The following AP1M2 variants were observed in gnomAD, a reference collection of about 807,000 sequenced individuals.
AP1M2 encodes adaptor related protein complex 1 subunit mu 2, also known as AP-1 complex subunit mu-2.
In AP1M2, 41 loss-of-function variants were observed where a neutral mutation model predicts 54.6. That is an observed-to-expected ratio of 0.75 (90% CI 0.59 to 0.97). The LOEUF (loss-of-function observed/expected upper bound fraction) is 0.97. Among genes scored for constraint, AP1M2 ranks in the 50% least tolerant of loss-of-function variants. The pLI is 0.00. For missense variants in AP1M2, 507 were observed against 561.2 expected (o/e 0.90, Z 0.98); for synonymous variants, 219 against 215.9 (o/e 1.01, Z -0.13).
intron 8 of AP1M2, 143 bp downstream of exon 8, chr19:10,578,749 G>T (rs1284202420): frequency 1.9e-6 from 1 of 532,128 alleles, no homozygotes; most frequent in Non-Finnish European, 3.4e-6. Flanking sequence ...ACAGGGTTTC[G>T]CCCTGTTGCC....
In AP1M2 at chr19:10,587,242, G is replaced by T. The variant is rs1388360744; in HGVS notation, c.-11C>A. ...AGCCGAGGCGGACATGGTGGCGGCC[G>T]AAGGACTTAGGAGTCGGGGAGGGAG... On this transcript the variant is annotated 5_prime_UTR_variant, in exon 1 of 12. Coordinates refer to ENST00000250244, the MANE Select transcript of AP1M2 (RefSeq NM_005498.5). 6.4e-6 allele frequency: 10 copies of T among 1,563,020 alleles called. No homozygotes were observed. The East Asian group carries it at 1.7e-4, about 26-fold the overall frequency.
chr19:10,581,456 G>A (rs547265976), intron 5 of AP1M2, 31 bp downstream of exon 5: 15 of 1,611,630 alleles, frequency 9.3e-6, no homozygotes, highest in Middle Eastern at 1.7e-4. Flanking sequence ...CCAGGCCGTG[G>A]AAGGGGTGCC....
rs1345801420 is a variant in AP1M2 at position 10,572,879 on chromosome 19, A to T, written c.*187T>A. The T allele has an allele frequency of 1.8e-6, 1 of 545,834 alleles. No homozygotes were observed. Among genetic ancestry groups the T allele is most frequent in the African/African-American group, 1.9e-5 (1 of 52,292 alleles). The allele number at this position is 545,834 out of a possible 1,614,324, so 33.8% of individuals were successfully genotyped here. ...AGCTCCAAGGGCGAGGGAAGCAGAG[A>T]GAGTTTCTCTCCCAGCCTATGGAAT... On this transcript the variant is annotated 3_prime_UTR_variant, in exon 12 of 12. Coordinates refer to ENST00000250244, the MANE Select transcript of AP1M2 (RefSeq NM_005498.5).
At chr19:10,579,575 A>G in intron 7 of AP1M2, 141 bp downstream of exon 7, 1 of 947,616 alleles carries the variant, frequency 1.1e-6, no homozygotes, top group Non-Finnish European at 1.5e-6. Flanking sequence ...GCTGGTCTCG[A>G]ACTCCTGTCC....
chr19:10,577,241 A>C lies in AP1M2; in HGVS notation c.1004T>G (p.Val335Gly). The C allele has an allele frequency of 3.7e-6, 6 of 1,613,126 alleles. No homozygotes were observed. The highest frequency in any genetic ancestry group is 3.4e-6 in the Non-Finnish European group (4 of 1,179,672). Residue 335 changes from valine (V) to glycine (G), a missense_variant, in exon 9 of 12, where the codon GTG (valine) becomes GGG (glycine). Coordinates refer to ENST00000250244, the MANE Select transcript of AP1M2 (RefSeq NM_005498.5). The stretch of plus-strand genomic sequence containing the variant: ...CCAAATCACGACGTTTCTCTCCGGC[A>C]CATACTTGGCGCTGCCCACACTGGT... ...FKTSVGSAKY[V>G]PERNVVIWSI...
At chr19:10,579,031 TTTTC>T in intron 7 of AP1M2, 68 bp from the exon 8 acceptor site, 2 of 1,278,552 alleles carry the variant, frequency 1.6e-6, no homozygotes, top group Non-Finnish European at 2.2e-6. Flanking sequence ...TTTTTTTTTT[TTTTC>T]TTTCTTTGAG....
intron 1 of AP1M2, among the ~76,000 whole-genome samples, chr19:10,586,759 A>C (rs1917666286): frequency 6.6e-6 from 1 of 152,146 alleles, no homozygotes; most frequent in South Asian, 2.1e-4. Flanking sequence ...CAAGAGGAAT[A>C]AAAGGACTTC....
In AP1M2 at chr19:10,581,272, T is replaced by A. The variant is rs750805869; in HGVS notation, c.667A>T (p.Thr223Ser). 2.4e-5 allele frequency: 38 copies of A among 1,612,694 alleles called. No individual in the cohort carries two copies. Among genetic ancestry groups the A allele is most frequent in the Non-Finnish European group, 3.1e-5 (36 of 1,179,124 alleles). The change falls in exon 6 of 12, where the codon ACT becomes TCT. Residue 223 changes from threonine (T) to serine (S), a missense_variant. Physicochemically the swap from Thr to Ser is moderately conservative, Grantham distance 58. Coordinates refer to ENST00000250244, the MANE Select transcript of AP1M2 (RefSeq NM_005498.5). ...AGGTCCCCTAAATGCTTACGGCCAG[T>A]GAGCTCGAAGAGCACGCGGTCATTG... The part of the protein sequence containing the change: ...GLNDRVLFEL[T>S]GRSKNKSVEL...
intron 8 of AP1M2, among the ~76,000 whole-genome samples, chr19:10,578,557 A>AT (rs201506913): frequency 3.1e-4 from 46 of 149,990 alleles, no homozygotes; most frequent in African/African-American, 7.3e-4. Flanking sequence ...TTGATAACAG[A>AT]TTTTTTTTTT....
chr19:10,574,515 G>A (rs371292500), intron 10 of AP1M2, 23 bp from the exon 11 acceptor site: 10 of 1,547,964 alleles, frequency 6.5e-6, no homozygotes, highest in Middle Eastern at 1.8e-4. Flanking sequence ...GAAAAGAGGT[G>A]GTCCAGGATT....
chr19:10,576,407 C>T (rs1040583377), intron 9 of AP1M2, among the ~76,000 whole-genome samples: 53 of 151,874 alleles, frequency 3.5e-4, no homozygotes, highest in African/African-American at 1.1e-3. Context: ...GGACTACAGG[C>T]GCCTGCAACC....
rs745689054 is a variant in AP1M2 at position 10,582,188 on chromosome 19, C to CA, written c.268-311dup. ...CCTTCTGAGTAGCTGGGACTACAGGCACGCACTACCAGGGCCAGCTAATAT... is the reference window on the plus strand; with the variant it reads ...CCTTCTGAGTAGCTGGGACTACAGGCAACGCACTACCAGGGCCAGCTAATAT... On this transcript the variant is annotated intron_variant, in intron 3 of 11. Coordinates refer to ENST00000250244, the MANE Select transcript of AP1M2 (RefSeq NM_005498.5). Among the ~76,000 whole-genome samples the CA allele has an allele frequency of 3.3e-5, 5 of 152,166 alleles. No individual in the cohort carries two copies. In the East Asian group the frequency reaches 5.8e-4, roughly 18 times the overall value.
At position 10,579,761 on chromosome 19, in the gene AP1M2, C is replaced by G; in HGVS notation, c.771G>C (p.Pro257=). Residue 257 remains proline (P), a synonymous_variant, in exon 7 of 12, where the codon CCG becomes CCC. Transcript: ENST00000250244. ...FDNDRTISFI[P]PDGDFELMSY... ...ACATGAGCTCAAAGTCACCATCAGG[C>G]GGGATGAAGGAGATGGTGCGGTCGT... The G allele has an allele frequency of 6.2e-7, 1 of 1,613,812 alleles. No homozygotes were observed. The highest frequency in any genetic ancestry group is 2.2e-5 in the East Asian group (1 of 44,854).
rs777455515 is a variant in AP1M2, at chr19:10,581,569, T to C, written c.464A>G (p.Asn155Ser). 2 of 1,613,890 alleles carry C rather than the reference T, an allele frequency of 1.2e-6. No homozygotes were observed. The highest frequency in any genetic ancestry group is 1.1e-5 in the South Asian group (1 of 91,068). Residue 155 changes from asparagine (N) to serine (S), a missense_variant, in exon 5 of 12, where the codon AAC becomes AGC. Coordinates refer to ENST00000250244, the MANE Select transcript of AP1M2 (RefSeq NM_005498.5). ...GKSRVPPTVT[N>S]AVSWRSEGIK... Reference sequence around the variant, plus strand: ...ACCCTCGGAGCGCCAGGACACAGCGTTGGTGACAGTGGGTGGCACCCGTGA... The same window carrying C: ...ACCCTCGGAGCGCCAGGACACAGCGCTGGTGACAGTGGGTGGCACCCGTGA...
chr19:10,585,294 A>AAGGAAG (rs1917608544), intron 1 of AP1M2, among the ~76,000 whole-genome samples: 8 of 115,064 alleles, frequency 7.0e-5, no homozygotes, highest in Admixed American at 2.6e-4. Context: ...AAAGAAAGAA[A>AAGGAAG]GAAAGAAAGA....
In AP1M2 at chr19:10,581,768, G is replaced by A. The variant is rs371468321; in HGVS notation, c.378C>T (p.Thr126=). ...CTCACTCCTGCAGGATCTTGCTGTC[G>A]GTGGTCTGCGGGAAGCCAAAGTCCA... ...ELMDFGFPQT[T]DSKILQEYIT... Residue 126 remains threonine (T), a synonymous_variant, in exon 4 of 12, where the codon ACC becomes ACT. Coordinates refer to ENST00000250244, the MANE Select transcript of AP1M2 (RefSeq NM_005498.5). 7.8e-5 allele frequency: 126 copies of A among 1,613,654 alleles called. No individual in the cohort carries two copies. The African/African-American group carries it at 1.3e-3, about 16-fold the overall frequency.
chr19:10,575,897 C>T (rs1423807046), intron 9 of AP1M2, among the ~76,000 whole-genome samples: 1 of 146,294 alleles, frequency 6.8e-6, no homozygotes, highest in Non-Finnish European at 1.5e-5. Context: ...CTCCCGGTAG[C>T]TGGGACTACA....
Position 10,579,747 on chromosome 19 carries a change from AAGTCACCATC to A in AP1M2, c.775_784del (p.Asp259LeufsTer15), listed in dbSNP as rs1463282426. On this transcript the variant is annotated frameshift_variant, in exon 7 of 12. Coordinates refer to ENST00000250244, the MANE Select transcript of AP1M2 (RefSeq NM_005498.5). LOFTEE classifies it high-confidence loss of function. ...GCTGAGGCGGTATGACATGAGCTCAAAGTCACCATCAGGCGGGATGAAGGAGATGGTGCGG... is the reference window on the plus strand; with the variant it reads ...GCTGAGGCGGTATGACATGAGCTCAAAGGCGGGATGAAGGAGATGGTGCGG... 1.9e-6 allele frequency: 3 copies of A among 1,613,882 alleles called. No individual in the cohort carries two copies. The highest frequency in any genetic ancestry group is 2.5e-6 in the Non-Finnish European group (3 of 1,179,872).
At chr19:10,586,382 G>C (rs558850081) in intron 1 of AP1M2, among the ~76,000 whole-genome samples, 14 of 150,010 alleles carry the variant, frequency 9.3e-5, no homozygotes, top group Non-Finnish European at 1.8e-4. Flanking sequence ...TTCAACCCGG[G>C]AGGTGGAGGT....
Sources: allele counts gnomAD v4.1 joint callset (sites outside exome capture counted in the v4.1 genomes callset), GRCh38; gene constraint gnomAD v4.1.1; transcripts MANE v1.5; gene names NCBI Gene and HGNC (gene_info 2026-07-23, HGNC 2026-07-21).